PRKRA: variants seen among roughly 807,000 people sequenced by gnomAD.
PRKRA encodes the protein interferon-inducible double-stranded RNA-dependent protein kinase activator A.
Under a neutral mutation model 32.4 loss-of-function variants are expected in PRKRA, and 22 were observed. The observed-to-expected ratio is 0.68, with a 90% CI of 0.49 to 0.97. PRKRA has a LOEUF of 0.97. PRKRA is among the 50% of genes least tolerant of loss of function. The pLI is 0.00. For synonymous variants in PRKRA, 139 were observed against 129.8 expected (o/e 1.07, Z -0.48); for missense variants, 319 against 375.6 (o/e 0.85, Z 1.25).
At position 178,436,408 on chromosome 2, in the gene PRKRA, T is replaced by A. The variant is rs531477656; in HGVS notation, c.610-89A>T. On this transcript the variant is annotated intron_variant, in intron 6 of 7. Transcript: ENST00000325748. The stretch of plus-strand genomic sequence containing the variant: ...ATCATTAAAAGTACTTATTAAGCAC[T>A]CACATTTAATATGTTATAAAGCATG... 6.2e-6 allele frequency: 5 copies of A among 811,756 alleles called. No homozygotes were observed. In the East Asian group the frequency reaches 1.8e-4, roughly 30 times the overall value. The allele number at this position is 811,756 out of a possible 1,614,324, so 50.3% of individuals were successfully genotyped here.
intron 4 of PRKRA, 60 bp downstream of exon 4, chr2:178,444,362 C>G: frequency 9.5e-7 from 1 of 1,055,238 alleles, no homozygotes. Flanking sequence ...TGTGTTAGCC[C>G]CTCTGACATT....
chr2:178,436,704 T>C (rs956921349), intron 6 of PRKRA, among the ~76,000 whole-genome samples: 3 of 152,040 alleles, frequency 2.0e-5, no homozygotes, highest in Non-Finnish European at 2.9e-5. Flanking sequence ...ACAATTTTCA[T>C]ATCTTTGGTT....
At chr2:178,449,327 A>C (rs1050534826) in intron 2 of PRKRA, among the ~76,000 whole-genome samples, 2 of 152,222 alleles carry the variant, frequency 1.3e-5, no homozygotes, top group African/African-American at 4.8e-5. Flanking sequence ...AAAAAGTTTT[A>C]AACTTTTCTT....
At chr2:178,440,522 ATATT>A in intron 6 of PRKRA, among the ~76,000 whole-genome samples, 1 of 152,326 alleles carries the variant, frequency 6.6e-6, no homozygotes, top group East Asian at 1.9e-4. Context: ...CAAATTCAAT[ATATT>A]TAGTTCATTA....
At chr2:178,450,154 C>T (rs1309553118) in intron 2 of PRKRA, 88 bp downstream of exon 2, 2 of 1,283,930 alleles carry the variant, frequency 1.6e-6, no homozygotes, top group Non-Finnish European at 2.1e-6. Context: ...AGCTGTCTGG[C>T]AAAAAGAGAA....
At chr2:178,435,333 A>C (rs148697545) in intron 7 of PRKRA, among the ~76,000 whole-genome samples, 1,876 of 141,212 alleles carry the variant, frequency 0.013, 24 homozygotes, top group Middle Eastern at 0.061. Context: ...CAGTGAGTTG[A>C]GATTGTGCCA....
At position 178,450,306 on chromosome 2, in the gene PRKRA, A is replaced by G; in HGVS notation, c.171T>C (p.Ser57=). 1 of 1,614,274 alleles carries G rather than the reference A, an allele frequency of 6.2e-7. No homozygotes were observed. Among genetic ancestry groups the G allele is most frequent in the Non-Finnish European group, 8.5e-7 (1 of 1,180,042 alleles). The change falls in exon 2 of 8, where the codon TCT becomes TCC. Residue 57 remains serine (S), a synonymous_variant. Coordinates refer to ENST00000325748, the MANE Select transcript of PRKRA (RefSeq NM_003690.5). ...AAGTGGGCACGTGTATTTGCACATC[A>G]GATCTTTCACATTCATAAACTGGGA... ...KNIPVYECER[S]DVQIHVPTFT...
chr2:178,448,960 G>T (rs1389251085), intron 2 of PRKRA, among the ~76,000 whole-genome samples: 1 of 152,190 alleles, frequency 6.6e-6, no homozygotes, highest in Non-Finnish European at 1.5e-5. Context: ...GGCTTGAGGG[G>T]CCTCTGTGTC....
chr2:178,444,513 TA>T lies in PRKRA; in HGVS notation c.318-14del, dbSNP rs1697244482. 3 of 1,552,512 alleles carry T rather than the reference TA, an allele frequency of 1.9e-6. No individual in the cohort carries two copies. The African/African-American group carries it at 4.1e-5, about 21-fold the overall frequency. The stretch of plus-strand genomic sequence containing the variant: ...AGGAACTGCAAAGCTAAATATTTTT[TA>T]AAAGTGTTATAAAACAAAATAATTT... On this transcript the variant is annotated splice_polypyrimidine_tract_variant and intron_variant, in intron 3 of 7. Transcript: ENST00000325748.
At chr2:178,450,588 CA>C in intron 1 of PRKRA, 177 bp from the exon 2 acceptor site, 8 of 1,494,524 alleles carry the variant, frequency 5.4e-6, no homozygotes, top group Non-Finnish European at 6.2e-6. Context: ...CTGCGGCAGT[CA>C]CTCCGCAGGA....
At chr2:178,443,209 G>A (rs1046320127) in intron 5 of PRKRA, 58 bp downstream of exon 5, 13 of 946,124 alleles carry the variant, frequency 1.4e-5, no homozygotes, top group Non-Finnish European at 1.8e-5. Flanking sequence ...CAGAAATTTC[G>A]ATAGTCATTC....
intron 7 of PRKRA, chr2:178,433,387 G>T (rs929166819): frequency 6.6e-6 from 1 of 152,090 alleles, no homozygotes. Context: ...CCTAGGAGTG[G>T]AGTTGCTGGG....
At chr2:178,442,029 G>C (rs950446452) in intron 5 of PRKRA, among the ~76,000 whole-genome samples, 4 of 151,494 alleles carry the variant, frequency 2.6e-5, no homozygotes, top group Non-Finnish European at 5.9e-5. Flanking sequence ...GGGATTACAG[G>C]TGCCCACCAC....
chr2:178,442,282 A>G (rs934713856), intron 5 of PRKRA, among the ~76,000 whole-genome samples: 2 of 152,170 alleles, frequency 1.3e-5, no homozygotes, highest in Admixed American at 1.3e-4. Flanking sequence ...GTATTTTCCT[A>G]TGTCTAGCAT....
At chr2:178,437,741 G>C (rs1462086295) in intron 6 of PRKRA, among the ~76,000 whole-genome samples, 1 of 152,120 alleles carries the variant, frequency 6.6e-6, no homozygotes, top group Non-Finnish European at 1.5e-5. Flanking sequence ...AAATTTTGTA[G>C]TTTTTGCCAA....
intron 7 of PRKRA, among the ~76,000 whole-genome samples, chr2:178,434,677 C>T (rs1189129104): frequency 2.6e-5 from 4 of 152,076 alleles, no homozygotes; most frequent in Admixed American, 1.3e-4. Flanking sequence ...GCACTTCACC[C>T]GTCCTTCAAT....
At chr2:178,441,759 G>A in intron 5 of PRKRA, 55 bp from the exon 6 acceptor site, 2 of 1,094,642 alleles carry the variant, frequency 1.8e-6, no homozygotes, top group Non-Finnish European at 2.5e-6. Flanking sequence ...GTCCACAGAG[G>A]ATGATCAAAC....
intron 1 of PRKRA, 25 bp downstream of exon 1, chr2:178,450,941 G>C (rs947295118): frequency 1.3e-6 from 1 of 788,472 alleles, no homozygotes; most frequent in Admixed American, 4.5e-5. Flanking sequence ...CCCGGCCCTG[G>C]GGCCCTGACT....
intron 2 of PRKRA, among the ~76,000 whole-genome samples, chr2:178,448,546 C>T (rs1417966603): frequency 2.0e-5 from 3 of 152,000 alleles, no homozygotes; most frequent in African/African-American, 7.2e-5. Context: ...GAGCCAAGAT[C>T]ATGCCACTGC....
Sources: allele counts gnomAD v4.1 joint callset (sites outside exome capture counted in the v4.1 genomes callset), GRCh38; gene constraint gnomAD v4.1.1; transcripts MANE v1.5; gene names NCBI Gene and HGNC (gene_info 2026-07-23, HGNC 2026-07-21).